Variants in PARD3 observed in about 807,000 individuals in gnomAD.
PARD3 encodes partitioning defective 3 homolog.
In PARD3, 75 loss-of-function variants were observed where a neutral mutation model predicts 155.4. The ratio of observed to expected loss-of-function variants is 0.48; its 90% CI spans 0.40 to 0.58. PARD3 has a LOEUF of 0.58. Ranked by LOEUF, PARD3 falls within the 20% of genes least tolerant of loss-of-function variation. The probability of loss-of-function intolerance (pLI) is 0.00; values close to 1 mark genes in which losing one functional copy is unlikely to be tolerated. For missense variants in PARD3, 1,642 were observed against 1,721.7 expected, an observed-to-expected ratio of 0.95 and a Z score of 0.82; for synonymous variants, 576 against 610.5, an observed-to-expected ratio of 0.94 and a Z score of 0.83.
chr10:34,802,573 T>TG (rs1564633880), intron 1 of PARD3, among the ~76,000 whole-genome samples: 1 of 152,172 alleles, frequency 6.6e-6, no homozygotes, highest in Non-Finnish European at 1.5e-5. Flanking sequence ...AGCTTTGGTC[T>TG]GGGGGGCCCA....
intron 1 of PARD3, among the ~76,000 whole-genome samples, chr10:34,749,643 A>G (rs1206406773): frequency 6.6e-6 from 1 of 152,184 alleles, no homozygotes; most frequent in Non-Finnish European, 1.5e-5. Flanking sequence ...GATAAGTGAA[A>G]GAGCATTTAA....
intron 5 of PARD3, among the ~76,000 whole-genome samples, chr10:34,438,840 A>G (rs536032067): frequency 6.6e-6 from 1 of 152,316 alleles, no homozygotes; most frequent in South Asian, 2.1e-4. Context: ...GGGATGGAGG[A>G]AAGTCCCTGA....
At chr10:34,173,383 T>C (rs1949892212) in intron 22 of PARD3, among the ~76,000 whole-genome samples, 1 of 152,190 alleles carries the variant, frequency 6.6e-6, no homozygotes, top group African/African-American at 2.4e-5. Context: ...TCAGTGGGGA[T>C]CAAGGTTTGA....
intron 4 of PARD3, among the ~76,000 whole-genome samples, chr10:34,455,852 C>T (rs1000756348): frequency 6.6e-6 from 1 of 152,150 alleles, no homozygotes; most frequent in African/African-American, 2.4e-5. Context: ...TCCATGCAAA[C>T]CAACTTCCTA....
chr10:34,232,400 GA>G (rs1196185153), intron 22 of PARD3, among the ~76,000 whole-genome samples: 4 of 152,090 alleles, frequency 2.6e-5, no homozygotes, highest in Non-Finnish European at 4.4e-5. Context: ...AACAGTTTAG[GA>G]AACCTGGTAA....
intron 12 of PARD3, among the ~76,000 whole-genome samples, chr10:34,368,099 A>G (rs970042633): frequency 6.6e-6 from 1 of 152,142 alleles, no homozygotes; most frequent in South Asian, 2.1e-4. Context: ...AAATACAAAC[A>G]ATTAGCCAGG....
intron 23 of PARD3, among the ~76,000 whole-genome samples, chr10:34,124,666 G>A (rs1199544302): frequency 1.3e-5 from 2 of 152,208 alleles, no homozygotes; most frequent in Non-Finnish European, 2.9e-5. Flanking sequence ...AAGGATGTGA[G>A]TAATGGCTGA....
chr10:34,566,754 A>C (rs575300129), intron 2 of PARD3, among the ~76,000 whole-genome samples: 3 of 152,210 alleles, frequency 2.0e-5, no homozygotes, highest in Non-Finnish European at 4.4e-5. Flanking sequence ...TAAATTAACC[A>C]AAGTTTTTTT....
chr10:34,236,584 T>C (rs1466460284), intron 22 of PARD3, among the ~76,000 whole-genome samples: 3 of 152,186 alleles, frequency 2.0e-5, no homozygotes, highest in African/African-American at 4.8e-5. Context: ...TTTGGTATTA[T>C]GGAAAAATTG....
chr10:34,758,143 A>G (rs1453853076), intron 1 of PARD3, among the ~76,000 whole-genome samples: 2 of 152,246 alleles, frequency 1.3e-5, no homozygotes, highest in African/African-American at 2.4e-5. Flanking sequence ...GGCCACTTTA[A>G]GAAAACCTCA....
chr10:34,544,705 T>C (rs16935507), intron 2 of PARD3, among the ~76,000 whole-genome samples: 3,768 of 152,286 alleles, frequency 0.025, 149 homozygotes, highest in African/African-American at 0.086. Context: ...CCTAACCTTA[T>C]AGAGATGACA....
At chr10:34,648,065 G>GA (rs1421704429) in intron 2 of PARD3, among the ~76,000 whole-genome samples, 6 of 152,160 alleles carry the variant, frequency 3.9e-5, no homozygotes, top group Admixed American at 3.9e-4. Flanking sequence ...TTTATAAATA[G>GA]AAATATCTAC....
intron 5 of PARD3, among the ~76,000 whole-genome samples, chr10:34,436,963 G>A (rs1006604661): frequency 3.3e-5 from 5 of 152,064 alleles, no homozygotes; most frequent in Admixed American, 6.6e-5. Flanking sequence ...GGGGAGGAGA[G>A]CTAGCTAATA....
At chr10:34,682,643 G>T (rs143495728) in intron 2 of PARD3, among the ~76,000 whole-genome samples, 1 of 152,240 alleles carries the variant, frequency 6.6e-6, no homozygotes, top group Non-Finnish European at 1.5e-5. Context: ...GCTCATTTGA[G>T]CCCGGGTGTT....
chr10:34,399,546 A>C (rs557025511), intron 6 of PARD3, 133 bp from the exon 7 acceptor site: 1 of 662,554 alleles, frequency 1.5e-6, no homozygotes, highest in African/African-American at 1.8e-5. Context: ...CAAAAATCCC[A>C]CCAAGTGCAT....
intron 20 of PARD3, among the ~76,000 whole-genome samples, chr10:34,301,413 C>G (rs1449568318): frequency 6.6e-6 from 1 of 152,194 alleles, no homozygotes; most frequent in African/African-American, 2.4e-5. Flanking sequence ...TTTTCCTCCT[C>G]TCTCTGCAGT....
intron 3 of PARD3, among the ~76,000 whole-genome samples, chr10:34,476,679 C>A (rs182108095): frequency 6.6e-6 from 1 of 152,088 alleles, no homozygotes; most frequent in Non-Finnish European, 1.5e-5. Flanking sequence ...TACCCCCAAC[C>A]AGTGATCATC....
At chr10:34,559,134 C>T (rs2085262176) in intron 2 of PARD3, among the ~76,000 whole-genome samples, 1 of 152,088 alleles carries the variant, frequency 6.6e-6, no homozygotes, top group Non-Finnish European at 1.5e-5. Context: ...TGGACTTCCA[C>T]AAGTCTCTAA....
intron 4 of PARD3, among the ~76,000 whole-genome samples, chr10:34,458,724 T>C (rs2077464860): frequency 6.6e-6 from 1 of 152,128 alleles, no homozygotes; most frequent in Non-Finnish European, 1.5e-5. Flanking sequence ...TTAACGTTTA[T>C]AAAAAATTAC....
Sources: gnomAD v4.1 joint callset for allele counts (sites outside exome capture counted in the v4.1 genomes callset) on GRCh38, gnomAD v4.1.1 for gene constraint, MANE v1.5 for transcripts, NCBI Gene and HGNC (gene_info 2026-07-23, HGNC 2026-07-21) for gene names.